The following TIPARP variants were observed in gnomAD, a reference collection of about 807,000 sequenced individuals.
The protein encoded by TIPARP is protein mono-ADP-ribosyltransferase TIPARP.
TIPARP carries 12 observed loss-of-function variants against 56.5 expected under a neutral mutation model. The observed-to-expected ratio is 0.21, with a 90% CI of 0.14 to 0.34. TIPARP has a LOEUF of 0.34. Among genes scored for constraint, TIPARP ranks in the 10% least tolerant of loss-of-function variants. The pLI is 1.00. For synonymous variants in TIPARP, 296 were observed against 265.7 expected (o/e 1.11, Z -1.11); for missense variants, 604 against 781.6 (o/e 0.77, Z 2.71).
chr3:156,682,322 G>C (rs777646605), intron 2 of TIPARP, among the ~76,000 whole-genome samples: 15 of 152,164 alleles, frequency 9.9e-5, no homozygotes, highest in Non-Finnish European at 2.1e-4. Context: ...ATTTTTTTCA[G>C]AGGACAGGGT....
At chr3:156,694,337 CA>C in intron 3 of TIPARP, 149 bp downstream of exon 3, 1 of 644,808 alleles carries the variant, frequency 1.6e-6, no homozygotes, top group Non-Finnish European at 2.3e-6. Context: ...CTCATTGATA[CA>C]AGAAAACTTT....
At chr3:156,689,697 T>A (rs1722517648) in intron 2 of TIPARP, among the ~76,000 whole-genome samples, 1 of 152,224 alleles carries the variant, frequency 6.6e-6, no homozygotes, top group Non-Finnish European at 1.5e-5. Context: ...TTATCTCTCA[T>A]AGATACATAT....
chr3:156,695,273 G>A (rs1722683960), intron 3 of TIPARP, among the ~76,000 whole-genome samples: 1 of 151,914 alleles, frequency 6.6e-6, no homozygotes, highest in Admixed American at 6.6e-5. Context: ...GAGTACAGTG[G>A]CACAATCATA....
chr3:156,704,012 CA>C (rs11452301), intron 5 of TIPARP, among the ~76,000 whole-genome samples: 18 of 122,182 alleles, frequency 1.5e-4, no homozygotes, highest in Non-Finnish European at 1.2e-4. Flanking sequence ...GACTCCGTCT[CA>C]AAAAAAAAAA....
chr3:156,698,951 C>T (rs1331914704), intron 4 of TIPARP, among the ~76,000 whole-genome samples: 2 of 152,130 alleles, frequency 1.3e-5, no homozygotes, highest in African/African-American at 4.8e-5. Context: ...TTTATTTCAG[C>T]CCACATGGAT....
At chr3:156,697,384 G>A (rs975863581) in intron 4 of TIPARP, among the ~76,000 whole-genome samples, 1 of 143,878 alleles carries the variant, frequency 7.0e-6, no homozygotes, top group Non-Finnish European at 1.5e-5. Context: ...AAATGCGTCT[G>A]TTTTTATCTC....
chr3:156,699,479 A>G (rs2108497040), intron 4 of TIPARP, among the ~76,000 whole-genome samples: 1 of 152,358 alleles, frequency 6.6e-6, no homozygotes, highest in South Asian at 2.1e-4. Flanking sequence ...AAAGGCTCAG[A>G]TGATTGTTAG....
intron 2 of TIPARP, among the ~76,000 whole-genome samples, chr3:156,688,526 G>A (rs1016743124): frequency 2.7e-5 from 4 of 150,250 alleles, no homozygotes; most frequent in Non-Finnish European, 4.4e-5. Flanking sequence ...ATTTGAGGCA[G>A]TGTTAGCAAA....
intron 2 of TIPARP, among the ~76,000 whole-genome samples, chr3:156,687,453 A>G (rs1466374245): frequency 1.3e-5 from 2 of 152,226 alleles, no homozygotes; most frequent in Non-Finnish European, 2.9e-5. Flanking sequence ...ACAAACAACA[A>G]AAAAGCCAGC....
chr3:156,702,065 G>GGTGGTGGTT (rs1481040474), intron 4 of TIPARP, among the ~76,000 whole-genome samples: 2 of 114,964 alleles, frequency 1.7e-5, no homozygotes, highest in African/African-American at 6.5e-5. Flanking sequence ...TGGTGGTGGT[G>GGTGGTGGTT]GTGGTGGTTG....
At chr3:156,701,045 G>C (rs1722832981) in intron 4 of TIPARP, among the ~76,000 whole-genome samples, 1 of 152,200 alleles carries the variant, frequency 6.6e-6, no homozygotes, top group South Asian at 2.1e-4. Flanking sequence ...CTATTAGAGT[G>C]TTGAAGCCCA....
At chr3:156,678,637 A>G (rs1324011723) in intron 2 of TIPARP, 23 bp downstream of exon 2, 3 of 1,584,318 alleles carry the variant, frequency 1.9e-6, no homozygotes, top group Non-Finnish European at 1.7e-6. Context: ...AACAACTTGT[A>G]GAACTGTTGT....
chr3:156,695,867 T>C lies in TIPARP; in HGVS notation c.1089T>C (p.Ser363=). 1 of 1,559,512 alleles carries C rather than the reference T, an allele frequency of 6.4e-7. No homozygotes were observed. Among genetic ancestry groups the C allele is most frequent in the Non-Finnish European group, 8.6e-7 (1 of 1,158,882 alleles). ...DHFGWREYPE[S]VIRLIEEANS... ...TTGTTCTGTTTTCTCCTCCATAGTC[T>C]GTCATTCGATTGATTGAAGAAGCCA... Residue 363 remains serine (S), a splice_region_variant and synonymous_variant, in exon 4 of 6, where the codon TCT becomes TCC. Transcript: ENST00000295924.
intron 2 of TIPARP, among the ~76,000 whole-genome samples, chr3:156,679,911 A>C (rs938574281): frequency 3.3e-5 from 5 of 152,140 alleles, no homozygotes; most frequent in African/African-American, 1.2e-4. Context: ...TTCGCATTAC[A>C]GAAACATGGT....
chr3:156,689,212 A>G (rs538069926), intron 2 of TIPARP, among the ~76,000 whole-genome samples: 2 of 152,152 alleles, frequency 1.3e-5, no homozygotes, highest in South Asian at 4.2e-4. Context: ...ACGTCTGGTA[A>G]TTTGTCTTGT....
chr3:156,680,389 C>T lies in TIPARP; in HGVS notation c.917+1775C>T, dbSNP rs73168634. ...AAGGTATTTTCCAAAATCTCTGTTG[C>T]CCATGAGCTAGCAATTCTAATTGCT... On this transcript the variant is annotated intron_variant, in intron 2 of 5. Coordinates refer to ENST00000295924, the MANE Select transcript of TIPARP (RefSeq NM_015508.5). 7.9e-3 allele frequency among the ~76,000 whole-genome samples: 1,195 copies of T among 152,196 alleles called. 5 individuals are homozygous for T. Among genetic ancestry groups the T allele is most frequent in the Non-Finnish European group, 0.013 (895 of 68,020 alleles).
At chr3:156,702,768 C>T (rs778735991) in intron 4 of TIPARP, among the ~76,000 whole-genome samples, 6 of 152,190 alleles carry the variant, frequency 3.9e-5, no homozygotes, top group Non-Finnish European at 7.3e-5. Flanking sequence ...AATTTAAAGG[C>T]TCACGGATAT....
At chr3:156,683,568 CA>C (rs552029075) in intron 2 of TIPARP, among the ~76,000 whole-genome samples, 222 of 143,852 alleles carry the variant, frequency 1.5e-3, no homozygotes, top group South Asian at 3.3e-3. Flanking sequence ...AGTGGGCATG[CA>C]AAAAAAAAAA....
At chr3:156,704,499 G>T (rs1038008072) in intron 5 of TIPARP, among the ~76,000 whole-genome samples, 185 bp from the exon 6 acceptor site, 4 of 152,210 alleles carry the variant, frequency 2.6e-5, no homozygotes, top group African/African-American at 9.6e-5. Flanking sequence ...GATTGGTGGA[G>T]AAAGAAGGAA....
Sources: allele counts gnomAD v4.1 joint callset (sites outside exome capture counted in the v4.1 genomes callset), GRCh38; gene constraint gnomAD v4.1.1; transcripts MANE v1.5; gene names NCBI Gene and HGNC (gene_info 2026-07-23, HGNC 2026-07-21).